Variants in SEC14L1 observed in about 807,000 individuals in gnomAD.
SEC14L1 encodes the protein SEC14 like lipid binding 1.
A neutral mutation model predicts 85.3 loss-of-function variants in SEC14L1; 48 were observed. The ratio of observed to expected loss-of-function variants is 0.56; its 90% CI spans 0.45 to 0.72. The LOEUF is 0.72. SEC14L1 is among the 30% of genes least tolerant of loss of function. The pLI, the probability that SEC14L1 is intolerant of heterozygous loss-of-function variation, is 0.00. For synonymous variants in SEC14L1, 391 were observed against 355.5 expected (o/e 1.10, Z -1.12); for missense variants, 682 against 921.4 (o/e 0.74, Z 3.36).
upstream of SEC14L1, among the ~76,000 whole-genome samples, chr17:77,139,498 A>AT (rs34187673): frequency 6.0e-5 from 8 of 132,816 alleles, no homozygotes; most frequent in African/African-American, 2.3e-4. Context: ...GGTGGATGTG[A>AT]TTTTTTTTTT....
chr17:77,116,759 G>C lies in SEC14L1; in HGVS notation c.-136+23412G>C, dbSNP rs553878028. ...AGTAACAGGATGTTTGAACAAACTT[G>C]GAATTTCATGGACTTTTCCACAACC... On this transcript the variant is annotated intron_variant, in intron 3 of 19. Coordinates refer to the SEC14L1 transcript ENST00000392476. Among the ~76,000 whole-genome samples the C allele has an allele frequency of 3.3e-5, 5 of 152,324 alleles. No homozygotes were observed. In the South Asian group the frequency reaches 1.0e-3, roughly 32 times the overall value.
In SEC14L1 at chr17:77,213,603, G is replaced by A. The variant is rs1369403157; in HGVS notation, c.2042+111G>A. 2 of 1,314,068 alleles carry A rather than the reference G, an allele frequency of 1.5e-6. No homozygotes were observed. Among genetic ancestry groups the A allele is most frequent in the Admixed American group, 1.9e-5 (1 of 52,528 alleles). The allele number at this position is 1,314,068 out of a possible 1,614,324, so 81.4% of individuals were successfully genotyped here. ...AGCAGTGGCGGCGGGTGTCAGGAAT[G>A]CTTGGAGGGCCAGGAGGGAGTGGCT... On this transcript the variant is annotated intron_variant, in intron 16 of 16. Transcript: ENST00000436233. This position sits in a 1 kb window ranked among gnomAD's most constrained non-coding sequence, Gnocchi z 7.1.
intron 3 of SEC14L1, among the ~76,000 whole-genome samples, chr17:77,155,651 C>T (rs1315337054): frequency 1.3e-5 from 2 of 152,222 alleles, no homozygotes; most frequent in African/African-American, 2.4e-5. Flanking sequence ...GGGGCTGCTG[C>T]CAGAGAGATC....
intron 3 of SEC14L1, among the ~76,000 whole-genome samples, chr17:77,117,514 A>C (rs1436130849): frequency 6.6e-6 from 1 of 152,250 alleles, no homozygotes; most frequent in Non-Finnish European, 1.5e-5. Context: ...TTGACAGCCT[A>C]ATCAATTGCC....
At chr17:77,208,431 C>G (rs1223935574) in intron 13 of SEC14L1, among the ~76,000 whole-genome samples, 1 of 152,164 alleles carries the variant, frequency 6.6e-6, no homozygotes, top group Non-Finnish European at 1.5e-5. Context: ...AGACCTGCCT[C>G]ACCGCGTTGT....
At chr17:77,193,400 G>T (rs1193236858) in intron 5 of SEC14L1, 21 bp from the exon 6 acceptor site, 21 of 1,582,850 alleles carry the variant, frequency 1.3e-5, no homozygotes, top group Non-Finnish European at 1.7e-5. Context: ...GTCAGTGAGA[G>T]TGCTTTCTCT....
rs1371732905 is a variant in SEC14L1 at position 77,206,966 on chromosome 17, G to A, written c.1476+104G>A. The A allele has an allele frequency of 1.6e-6, 2 of 1,262,404 alleles. No homozygotes were observed. The highest frequency in any genetic ancestry group is 2.7e-5 in the Admixed American group (1 of 36,584). The allele number at this position is 1,262,404 out of a possible 1,614,324, so 78.2% of individuals were successfully genotyped here. On this transcript the variant is annotated intron_variant, in intron 13 of 16. Transcript: ENST00000436233. This position sits in a 1 kb window ranked among gnomAD's most constrained non-coding sequence, Gnocchi z 4.3. Reference sequence around the variant, plus strand: ...TTTCAGAACTTCCAGTTGTTTGGATGTTTTGTTTTTGTTTTGTTTCTTTTG... The same window carrying A: ...TTTCAGAACTTCCAGTTGTTTGGATATTTTGTTTTTGTTTTGTTTCTTTTG...
At chr17:77,188,768 G>A (rs1323949771) in intron 3 of SEC14L1, among the ~76,000 whole-genome samples, 1 of 152,096 alleles carries the variant, frequency 6.6e-6, no homozygotes, top group East Asian at 1.9e-4. Context: ...GATGTGGAAG[G>A]GATTCAGTTC....
intron 3 of SEC14L1, among the ~76,000 whole-genome samples, chr17:77,161,133 TTGTA>T (rs1974034795): frequency 6.6e-6 from 1 of 152,358 alleles, no homozygotes; most frequent in East Asian, 1.9e-4. Context: ...CATTTTATAA[TTGTA>T]TGAGCTTTTT....
chr17:77,168,270 A>C (rs1006645154), intron 3 of SEC14L1, among the ~76,000 whole-genome samples: 6 of 152,164 alleles, frequency 3.9e-5, no homozygotes, highest in Non-Finnish European at 8.8e-5. Flanking sequence ...CATCTCTGGC[A>C]ATTTCCCCCT....
At chr17:77,122,716 C>T (rs1972331428) in intron 3 of SEC14L1, among the ~76,000 whole-genome samples, 1 of 152,232 alleles carries the variant, frequency 6.6e-6, no homozygotes, top group Non-Finnish European at 1.5e-5. Context: ...CTGGGTTGTG[C>T]CATGAGGACA....
chr17:77,117,147 A>G (rs1972188382), intron 3 of SEC14L1, among the ~76,000 whole-genome samples: 1 of 152,164 alleles, frequency 6.6e-6, no homozygotes, highest in Non-Finnish European at 1.5e-5. Flanking sequence ...CAGGAGTTCG[A>G]GACCAGCCTG....
chr17:77,186,205 G>A (rs987485673), intron 3 of SEC14L1, among the ~76,000 whole-genome samples: 1 of 152,130 alleles, frequency 6.6e-6, no homozygotes, highest in African/African-American at 2.4e-5. Flanking sequence ...GGCAAGGCAT[G>A]GTCTATGCCA....
chr17:77,124,340 G>T (rs1198784817), intron 3 of SEC14L1, among the ~76,000 whole-genome samples: 1 of 152,094 alleles, frequency 6.6e-6, no homozygotes, highest in Non-Finnish European at 1.5e-5. Flanking sequence ...TTCCAGCCAG[G>T]GTGACAAAGC....
rs773996990 is a variant in SEC14L1 at position 77,213,383 on chromosome 17, G to T, written c.1933G>T (p.Ala645Ser). Reference sequence around the variant, plus strand: ...GAAATTCCACAGCATGCCTGCGTGCGCCGCCAGCAGCCTTCCCCGGGTGGA... The same window carrying T: ...GAAATTCCACAGCATGCCTGCGTGCTCCGCCAGCAGCCTTCCCCGGGTGGA... ...QWKFHSMPAC[A>S]ASSLPRVDDV... is the part of the protein sequence containing the mutation. The change falls in exon 16 of 17, where the codon GCC becomes TCC. Residue 645 changes from alanine (A) to serine (S), a missense_variant. Around this residue, in one of 3 missense-constraint regions of SEC14L1, gnomAD observed 420 missense variants for 619.5 expected, o/e 0.68. Transcript: ENST00000436233. This position sits in a 1 kb window ranked among gnomAD's most constrained non-coding sequence, Gnocchi z 7.1. 3.7e-6 allele frequency: 6 copies of T among 1,613,316 alleles called. No homozygotes were observed. The highest frequency in any genetic ancestry group is 5.1e-6 in the Non-Finnish European group (6 of 1,179,936).
At chr17:77,202,407 T>G (rs1180631149) in intron 9 of SEC14L1, among the ~76,000 whole-genome samples, 5 of 152,060 alleles carry the variant, frequency 3.3e-5, no homozygotes, top group South Asian at 2.1e-4. Flanking sequence ...TCACCTGAGA[T>G]CAGGAGTTCA....
intron 3 of SEC14L1, among the ~76,000 whole-genome samples, chr17:77,097,437 G>C (rs551993557): frequency 6.6e-6 from 1 of 152,274 alleles, no homozygotes; most frequent in South Asian, 2.1e-4. Flanking sequence ...AGTGGCGCAC[G>C]CCTGTAATCC....
chr17:77,139,797 C>T (rs980023031), upstream of SEC14L1, among the ~76,000 whole-genome samples: 2 of 151,954 alleles, frequency 1.3e-5, no homozygotes, highest in Admixed American at 1.3e-4. Context: ...CGCGCCCGGC[C>T]GGTGGATGTG....
At chr17:77,184,283 T>TAA (rs746359226) in intron 3 of SEC14L1, among the ~76,000 whole-genome samples, 61 of 152,352 alleles carry the variant, frequency 4.0e-4, no homozygotes, top group Non-Finnish European at 5.1e-4. Context: ...GTTCCTTTGT[T>TAA]AAATTTATCT....
Sources: gnomAD v4.1 joint callset for allele counts (sites outside exome capture counted in the v4.1 genomes callset) on GRCh38, gnomAD v4.1.1 for gene constraint, gnomAD v4.1.1 regional missense constraint, Gnocchi (gnomAD v3.1) non-coding constraint, MANE v1.5 for transcripts, NCBI Gene and HGNC (gene_info 2026-07-23, HGNC 2026-07-21) for gene names.